TUT4: variants seen among roughly 807,000 people sequenced by gnomAD.
TUT4 encodes the protein terminal uridylyl transferase 4, also known as terminal uridylyltransferase 4.
In TUT4, 36 loss-of-function variants were observed where a neutral mutation model predicts 192.2. That is an observed-to-expected ratio of 0.19 (90% CI 0.14 to 0.25). TUT4 has a LOEUF of 0.25. TUT4 is among the 10% of genes least tolerant of loss of function. The pLI is 1.00. For missense variants in TUT4, 1,493 were observed against 1,957.2 expected (o/e 0.76, Z 4.47); for synonymous variants, 618 against 666.0 (o/e 0.93, Z 1.11).
chr1:52,504,764 G>A (rs909838253), intron 4 of TUT4, among the ~76,000 whole-genome samples: 1 of 152,082 alleles, frequency 6.6e-6, no homozygotes, highest in Non-Finnish European at 1.5e-5. Flanking sequence ...CCAAACCTAT[G>A]GCAAGCACTA....
At chr1:52,528,218 A>G (rs1446659088) in intron 1 of TUT4, among the ~76,000 whole-genome samples, 2 of 151,036 alleles carry the variant, frequency 1.3e-5, no homozygotes, top group African/African-American at 4.9e-5. Flanking sequence ...TGTCAAGGCC[A>G]GGCACATGGC....
intron 15 of TUT4, among the ~76,000 whole-genome samples, chr1:52,466,043 G>T (rs939907299): frequency 6.6e-6 from 1 of 151,984 alleles, no homozygotes; most frequent in African/African-American, 2.4e-5. Context: ...ACTGGGCCTG[G>T]CTCTTCCTAT....
intron 1 of TUT4, among the ~76,000 whole-genome samples, chr1:52,539,984 C>G (rs1399376397): frequency 6.6e-6 from 1 of 151,312 alleles, no homozygotes; most frequent in Non-Finnish European, 1.5e-5. Flanking sequence ...TTTGGGAGGC[C>G]AAGGCGGGCA....
At chr1:52,526,973 A>C (rs554798448) in intron 1 of TUT4, among the ~76,000 whole-genome samples, 2 of 152,278 alleles carry the variant, frequency 1.3e-5, no homozygotes, top group African/African-American at 4.8e-5. Flanking sequence ...GCAGTGAGCC[A>C]AGATCATGCC....
rs61736686 is a variant in TUT4, at chr1:52,436,853, G to A, written c.4064C>T (p.Pro1355Leu). ...DLHDTRDFRD[P>L]RDLRCFICGD... ...ACATATAAAACATCTGAGGTCTCTCGGGTCTCTAAAGTCTCGAGTATCGTG... is the reference window on the plus strand; with the variant it reads ...ACATATAAAACATCTGAGGTCTCTCAGGTCTCTAAAGTCTCGAGTATCGTG... The change falls in exon 26 of 30, where the codon CCG becomes CTG. Residue 1355 changes from proline (P) to leucine (L), a missense_variant. Around this residue, in one of 7 missense-constraint regions of TUT4, gnomAD observed 351 missense variants for 397.8 expected, o/e 0.88. Coordinates refer to ENST00000257177, the MANE Select transcript of TUT4 (RefSeq NM_001009881.3). The A allele has an allele frequency of 1.3e-4, 211 of 1,613,562 alleles. No individual in the cohort carries two copies. In the African/African-American group the frequency reaches 2.2e-3, roughly 16 times the overall value.
intron 29 of TUT4, chr1:52,424,312 T>C (rs534517504): frequency 6.0e-6 from 2 of 332,730 alleles, no homozygotes; most frequent in East Asian, 1.3e-4. Context: ...TCAGCCCCAG[T>C]TCTTTGCTCA....
At chr1:52,486,288 C>G (rs1669767917) in intron 9 of TUT4, among the ~76,000 whole-genome samples, 1 of 152,122 alleles carries the variant, frequency 6.6e-6, no homozygotes, top group Non-Finnish European at 1.5e-5. Context: ...ACAAGTGGCT[C>G]TAAGTCAGGT....
intron 24 of TUT4, among the ~76,000 whole-genome samples, chr1:52,441,580 A>AC (rs1439539582): frequency 1.3e-5 from 2 of 150,884 alleles, no homozygotes; most frequent in Non-Finnish European, 2.9e-5. Flanking sequence ...AACATGAGCC[A>AC]CCGCGCCTGG....
chr1:52,449,109 CCTG>C (rs888490677), intron 20 of TUT4, among the ~76,000 whole-genome samples: 49 of 152,016 alleles, frequency 3.2e-4, no homozygotes, highest in African/African-American at 1.2e-3. Context: ...ACTCTCTCTC[CCTG>C]CTGTCTCTCT....
chr1:52,547,709 T>C (rs1288652126), intron 1 of TUT4, among the ~76,000 whole-genome samples: 1 of 152,132 alleles, frequency 6.6e-6, no homozygotes, highest in Admixed American at 6.5e-5. Context: ...AGCTAAAACA[T>C]GCTACACTAT....
intron 1 of TUT4, among the ~76,000 whole-genome samples, chr1:52,550,512 T>G (rs1034939554): frequency 2.6e-5 from 4 of 151,048 alleles, no homozygotes; most frequent in Admixed American, 2.0e-4. Context: ...TTTTTTTTTT[T>G]TTTTGTTTAA....
In TUT4 at chr1:52,436,658, T is replaced by C. The variant is rs968286809; in HGVS notation, c.4162+97A>G. The C allele has an allele frequency of 2.6e-6, 4 of 1,544,304 alleles. No homozygotes were observed. The African/African-American group carries it at 4.1e-5, about 16-fold the overall frequency. On this transcript the variant is annotated intron_variant, in intron 26 of 29. Transcript: ENST00000257177. ...ATTGTAAGGTCCAAAATCATACAATTAGGTTTGCAACAGAGAGGAATTAGG... is the reference window on the plus strand; with the variant it reads ...ATTGTAAGGTCCAAAATCATACAATCAGGTTTGCAACAGAGAGGAATTAGG...
rs1316865882 is a variant in TUT4 at position 52,495,428 on chromosome 1, T to A, written c.1265A>T (p.Lys422Met). 6.3e-7 allele frequency: 1 copy of A among 1,592,912 alleles called. No homozygotes were observed. Among genetic ancestry groups the A allele is most frequent in the South Asian group, 1.1e-5 (1 of 88,848 alleles). Residue 422 changes from lysine to methionine, a missense_variant and splice_region_variant, in exon 6 of 30, where the codon AAG becomes ATG. Lys to Met is a moderately conservative substitution (Grantham distance 95). This residue lies in a region of TUT4 where 437 missense variants were observed against 577.6 expected (regional missense o/e 0.76). Coordinates refer to ENST00000257177, the MANE Select transcript of TUT4 (RefSeq NM_001009881.3). ...DVNIDIKFPP[K>M]MNHPDLLIKV... is the part of the protein sequence containing the mutation. ...ACAGGAAAGATTCTAATTACTTACCTTGGGAGGAAATTTTATATCTATATT... is the reference window on the plus strand; with the variant it reads ...ACAGGAAAGATTCTAATTACTTACCATGGGAGGAAATTTTATATCTATATT...
At position 52,525,670 on chromosome 1, in the gene TUT4, C is replaced by T. The variant is rs1481470527; in HGVS notation, c.611G>A (p.Cys204Tyr). 2 of 1,614,144 alleles carry T rather than the reference C, an allele frequency of 1.2e-6. No individual in the cohort carries two copies. Among genetic ancestry groups the T allele is most frequent in the Admixed American group, 1.7e-5 (1 of 60,014 alleles). Residue 204 changes from cysteine (C) to tyrosine (Y), a missense_variant, in exon 2 of 30, where the codon TGT becomes TAT. Transcript: ENST00000257177. ...VNIEAVGGEK[C>Y]ALQNSPRSQK... ...AGATCGTGGTGAGTTTTGCAGAGCA[C>T]ATTTTTCTCCCCCTACAGCTTCAAT...
At chr1:52,467,615 C>T (rs967147794) in intron 15 of TUT4, among the ~76,000 whole-genome samples, 1 of 152,146 alleles carries the variant, frequency 6.6e-6, no homozygotes, top group Non-Finnish European at 1.5e-5. Flanking sequence ...AACTAAAAAT[C>T]CTCTAAAAGA....
Position 52,436,904 on chromosome 1 carries a change from C to T in TUT4, c.4013G>A (p.Arg1338Gln), listed in dbSNP as rs762195574. The T allele has an allele frequency of 1.4e-5, 21 of 1,550,480 alleles. No individual in the cohort carries two copies. The highest frequency in any genetic ancestry group is 5.1e-5 in the African/African-American group (3 of 58,266). The change falls in exon 26 of 30, where the codon CGA (arginine) becomes CAA (glutamine). Residue 1338 changes from arginine (R) to glutamine (Q), a missense_variant. Transcript: ENST00000257177. ...GAGGTCTCGGGGGTCAAGAACATCT[C>T]GGGAATCTTTCTCTTCTTCATTCCC... ...KEGNEEEKDS[R>Q]DVLDPRDLHD...
chr1:52,508,988 G>A (rs866691837), intron 4 of TUT4, among the ~76,000 whole-genome samples: 1 of 151,992 alleles, frequency 6.6e-6, no homozygotes. Context: ...AATCATACTA[G>A]ACTTAAAGTT....
At chr1:52,465,244 T>C in intron 15 of TUT4, 71 bp from the exon 16 acceptor site, 3 of 1,022,188 alleles carry the variant, frequency 2.9e-6, no homozygotes, top group Non-Finnish European at 4.4e-6. Flanking sequence ...TATCTGCTGA[T>C]GACCTAATAC....
intron 1 of TUT4, among the ~76,000 whole-genome samples, chr1:52,528,903 A>G (rs1682584673): frequency 6.6e-6 from 1 of 151,854 alleles, no homozygotes; most frequent in South Asian, 2.1e-4. Flanking sequence ...TGTAGAGACA[A>G]AGTCTCACTA....
Sources: gnomAD v4.1 joint callset for allele counts (sites outside exome capture counted in the v4.1 genomes callset) on GRCh38, gnomAD v4.1.1 for gene constraint, gnomAD v4.1.1 regional missense constraint, MANE v1.5 for transcripts, NCBI Gene and HGNC (gene_info 2026-07-23, HGNC 2026-07-21) for gene names.